BRCA1: variants seen among roughly 807,000 people sequenced by gnomAD.
BRCA1 encodes the protein breast cancer type 1 susceptibility protein.
Under a neutral mutation model 173.7 loss-of-function variants are expected in BRCA1, and 140 were observed. The ratio of observed to expected loss-of-function variants is 0.81; its 90% CI spans 0.70 to 0.93. The LOEUF is 0.93. Among genes scored for constraint, BRCA1 ranks in the 40% least tolerant of loss-of-function variants. The pLI, the probability that BRCA1 is intolerant of heterozygous loss-of-function variation, is 0.00. For missense variants in BRCA1, 1,983 were observed against 2,172.5 expected (o/e 0.91, Z 1.73); for synonymous variants, 662 against 756.0 (o/e 0.88, Z 2.04).
At position 43,094,254 on chromosome 17, in the gene BRCA1, GA is replaced by G. The variant is rs80357766; in HGVS notation, c.1276del (p.Ser426GlnfsTer4). The G allele has an allele frequency of 6.2e-7, 1 of 1,613,898 alleles. No individual in the cohort carries two copies. The highest frequency in any genetic ancestry group is 1.3e-5 in the African/African-American group (1 of 74,902). On this transcript the variant is annotated frameshift_variant, in exon 10 of 23. Transcript: ENST00000357654. LOFTEE classifies it high-confidence loss of function. ...LNEVDEYSGS[S>X]EKIDLLASDP... ...ACTGGCCAGTAAGTCTATTTTCTCT[GA>G]AGAACCAGAATATTCATCTACCTCA... is the stretch of plus-strand genomic sequence containing the variant.
intron 16 of BRCA1, among the ~76,000 whole-genome samples, chr17:43,064,992 G>A (rs1193004329): frequency 6.6e-6 from 1 of 151,794 alleles, no homozygotes; most frequent in African/African-American, 2.4e-5. Flanking sequence ...CACCATGCCC[G>A]GCTAATTTTT....
In BRCA1 at chr17:43,137,499, G is replaced by A. The variant is rs554991956; in HGVS notation, c.-19-13384C>T. Among the ~76,000 whole-genome samples, 6 of 151,988 alleles carry A rather than the reference G, an allele frequency of 3.9e-5. No individual in the cohort carries two copies. The East Asian group carries it at 7.7e-4, about 20-fold the overall frequency. ...GATTGATGTAGGGGAGCGAGCGTGT[G>A]AGTTGGAAGGGAGGCATTGAGGATC... On this transcript the variant is annotated intron_variant, in intron 1 of 7. Transcript: ENST00000634433.
intron 1 of BRCA1, among the ~76,000 whole-genome samples, chr17:43,152,650 C>T (rs569102925): frequency 3.3e-5 from 5 of 152,096 alleles, no homozygotes; most frequent in African/African-American, 9.6e-5. Flanking sequence ...GTTAGGAGAT[C>T]GAGACCATCC....
chr17:43,051,486 T>C (rs1160254362), intron 19 of BRCA1, among the ~76,000 whole-genome samples: 1 of 152,192 alleles, frequency 6.6e-6, no homozygotes, highest in Non-Finnish European at 1.5e-5. Context: ...TCCTTCTGTA[T>C]GTTTAATAAG....
Position 43,070,935 on chromosome 17 carries a change from T to C in BRCA1, c.4979A>G (p.Glu1660Gly), listed in dbSNP as rs2052356167. ...ACATATGGATACACTCACAAATTCT[T>C]CTGGGGTCAGGCCAGACACCACCAT... ...MSMVVSGLTP[E>G]EFMLVYKFAR... Residue 1660 changes from glutamate to glycine, a missense_variant, in exon 15 of 23, where the codon GAA becomes GGA. Coordinates refer to ENST00000357654, the MANE Select transcript of BRCA1 (RefSeq NM_007294.4). The C allele has an allele frequency of 6.2e-7, 1 of 1,614,170 alleles. No individual in the cohort carries two copies. The highest frequency in any genetic ancestry group is 8.5e-7 in the Non-Finnish European group (1 of 1,180,030).
intron 1 of BRCA1, chr17:43,167,542 A>G (rs1241177847): frequency 6.6e-6 from 1 of 152,222 alleles, no homozygotes; most frequent in Non-Finnish European, 1.5e-5. Flanking sequence ...ATAACATACC[A>G]ATCAGGTCAG....
intron 2 of BRCA1, among the ~76,000 whole-genome samples, chr17:43,122,706 T>G (rs765422008): frequency 7.2e-5 from 11 of 152,014 alleles, no homozygotes; most frequent in Admixed American, 1.3e-4. Flanking sequence ...GTCAGGAGTT[T>G]GAGACCAGCA....
chr17:43,082,651 A>G (rs2154166424), intron 11 of BRCA1, 76 bp from the exon 12 acceptor site: 1 of 1,512,098 alleles, frequency 6.6e-7, no homozygotes, highest in Non-Finnish European at 9.1e-7. Context: ...TATATCATAC[A>G]AATTAATTTT....
Position 43,125,170 on chromosome 17 carries a change from G to C in BRCA1, c.-20+101C>G, listed in dbSNP as rs799905. On this transcript the variant is annotated intron_variant, in intron 1 of 22. Transcript: ENST00000357654. ...CTCTCAGGTTCCGCCCCTACCCCCC[G>C]TCAAAGAATACCCATCTGTCAGCTT... 0.43 allele frequency: 192,695 copies of C among 443,588 alleles called. 46,468 individuals are homozygous for C. Among genetic ancestry groups the C allele is most frequent in the African/African-American group, 0.82 (39,198 of 47,888 alleles). The allele number at this position is 443,588 out of a possible 1,614,324, so 27.5% of individuals were successfully genotyped here. A position where few individuals can be genotyped will look rare whatever the true frequency, so the allele number is the denominator to read the frequency against.
intron 1 of BRCA1, chr17:43,164,250 A>G (rs1346822157): frequency 6.6e-6 from 1 of 152,222 alleles, no homozygotes; most frequent in Admixed American, 6.5e-5. Context: ...CTTGCTCTTT[A>G]GTGGTCCACA....
intron 1 of BRCA1, chr17:43,131,221 T>C: frequency 3.4e-6 from 1 of 297,724 alleles, no homozygotes; most frequent in Non-Finnish European, 7.6e-6. Flanking sequence ...AAAGTTTCAT[T>C]TGATCTGAAT....
At chr17:43,062,957 C>T (rs2051830879) in intron 18 of BRCA1, among the ~76,000 whole-genome samples, 2 of 151,758 alleles carry the variant, frequency 1.3e-5, no homozygotes, top group South Asian at 4.2e-4. Flanking sequence ...ATGATGCGAT[C>T]TCAGCTCACT....
At chr17:43,143,066 G>A (rs537759590) in intron 1 of BRCA1, among the ~76,000 whole-genome samples, 83 of 148,800 alleles carry the variant, frequency 5.6e-4, no homozygotes, top group African/African-American at 1.9e-3. Context: ...ATATATATAT[G>A]TATATATATG....
chr17:43,105,073 C>T (rs2154553054), intron 4 of BRCA1, 117 bp from the exon 5 acceptor site: 2 of 796,482 alleles, frequency 2.5e-6, no homozygotes, highest in East Asian at 2.6e-5. Context: ...CAGTAGAAAA[C>T]CTCTATAATC....
At position 43,091,990 on chromosome 17, in the gene BRCA1, C is replaced by G. The variant is rs56336919; in HGVS notation, c.3541G>C (p.Val1181Leu). Residue 1181 changes from valine (V) to leucine (L), a missense_variant, in exon 10 of 23, where the codon GTC becomes CTC. Physicochemically the swap from Val to Leu is conservative, Grantham distance 32 (BLOSUM62 1). Transcript: ENST00000357654. ...KESSAVFSKSVQKGELSRSPS... is the reference protein window; with the variant it reads ...KESSAVFSKSLQKGELSRSPS... Reference sequence around the variant, plus strand: ...CTCCTGCTAAGCTCTCCTTTCTGGACGCTTTTGCTAAAAACAGCAGAACTT... The same window carrying G: ...CTCCTGCTAAGCTCTCCTTTCTGGAGGCTTTTGCTAAAAACAGCAGAACTT... 2 of 1,614,060 alleles carry G rather than the reference C, an allele frequency of 1.2e-6. No homozygotes were observed. The highest frequency in any genetic ancestry group is 3.3e-5 in the Admixed American group (2 of 60,010).
In BRCA1 at chr17:43,088,260, T is replaced by C. The variant is rs8176166; in HGVS notation, c.4185+2684A>G. 0.14 allele frequency among the ~76,000 whole-genome samples: 21,901 copies of C among 152,132 alleles called. 1,776 individuals carry two copies. Among genetic ancestry groups the C allele is most frequent in the South Asian group, 0.31 (1,481 of 4,826 alleles). On this transcript the variant is annotated intron_variant, in intron 11 of 22. Coordinates refer to ENST00000357654, the MANE Select transcript of BRCA1 (RefSeq NM_007294.4). ...ATTGCCACTATCTATCTCCAGAACTTTTTCATCATCCCAAACTGAAATCTG... is the reference window on the plus strand; with the variant it reads ...ATTGCCACTATCTATCTCCAGAACTCTTTCATCATCCCAAACTGAAATCTG...
chr17:43,106,317 A>C, intron 4 of BRCA1, 139 bp downstream of exon 4: 1 of 603,390 alleles, frequency 1.7e-6, no homozygotes, highest in Non-Finnish European at 2.9e-6. Flanking sequence ...ATAACTTTGG[A>C]AATAATTTAC....
upstream of BRCA1, among the ~76,000 whole-genome samples, chr17:43,127,440 C>T (rs1415107484): frequency 6.6e-6 from 1 of 152,158 alleles, no homozygotes; most frequent in Non-Finnish European, 1.5e-5. Flanking sequence ...ATGCACCAAT[C>T]AGTGCTCTGT....
intron 2 of BRCA1, among the ~76,000 whole-genome samples, chr17:43,123,287 G>C (rs1280387628): frequency 2.0e-5 from 3 of 149,678 alleles, no homozygotes; most frequent in Non-Finnish European, 3.0e-5. Flanking sequence ...TGTATGTACA[G>C]AGCCAGTTTC....
Sources: allele counts gnomAD v4.1 joint callset (sites outside exome capture counted in the v4.1 genomes callset), GRCh38; gene constraint gnomAD v4.1.1; transcripts MANE v1.5; gene names NCBI Gene and HGNC (gene_info 2026-07-23, HGNC 2026-07-21).